UBE2Z: variants seen among roughly 807,000 people sequenced by gnomAD.
The protein encoded by UBE2Z is ubiquitin conjugating enzyme E2 Z.
A neutral mutation model predicts 32.6 loss-of-function variants in UBE2Z; 10 were observed. That is an observed-to-expected ratio of 0.31 (90% confidence interval 0.19 to 0.52). The LOEUF is 0.52. UBE2Z is among the 20% of genes least tolerant of loss of function. UBE2Z has a pLI of 0.97. For synonymous variants in UBE2Z, 183 were observed against 190.8 expected (o/e 0.96, Z 0.34); for missense variants, 343 against 480.9 (o/e 0.71, Z 2.68).
At chr17:48,917,452 A>G (rs904109931) in intron 4 of UBE2Z, among the ~76,000 whole-genome samples, 1 of 152,054 alleles carries the variant, frequency 6.6e-6, no homozygotes, top group Non-Finnish European at 1.5e-5. Context: ...AGTGGGTTCT[A>G]TGTGCCTATA....
intron 1 of UBE2Z, 30 bp from the exon 2 acceptor site, chr17:48,910,778 C>T (rs1439866181): frequency 6.4e-7 from 1 of 1,565,192 alleles, no homozygotes; most frequent in Non-Finnish European, 8.8e-7. Flanking sequence ...TTCCTCACTC[C>T]TTCCCCCACC....
intron 5 of UBE2Z, 107 bp from the exon 6 acceptor site, chr17:48,922,740 A>T (rs902702319): frequency 2.8e-5 from 21 of 757,828 alleles, no homozygotes; most frequent in Non-Finnish European, 4.4e-5. Context: ...GCACTCCAAC[A>T]TGGGCTACAG....
intron 2 of UBE2Z, chr17:48,912,282 C>G (rs2143759274): frequency 6.5e-6 from 1 of 154,616 alleles, no homozygotes; most frequent in Non-Finnish European, 1.4e-5. Flanking sequence ...GGCCTCCAAT[C>G]CCTTTCTTCG....
intron 6 of UBE2Z, among the ~76,000 whole-genome samples, chr17:48,923,610 G>T (rs886310764): frequency 8.8e-6 from 1 of 113,178 alleles, no homozygotes. Context: ...CAACAAGAGC[G>T]AAACTCGGTC....
chr17:48,910,995 A>G, intron 2 of UBE2Z, 115 bp downstream of exon 2: 1 of 858,646 alleles, frequency 1.2e-6, no homozygotes, highest in Non-Finnish European at 1.9e-6. Flanking sequence ...GAAGAAATCA[A>G]GACCCCAGGA....
At chr17:48,917,545 C>T (rs779949178) in intron 4 of UBE2Z, among the ~76,000 whole-genome samples, 1 of 152,060 alleles carries the variant, frequency 6.6e-6, no homozygotes, top group Non-Finnish European at 1.5e-5. Context: ...CTGTTACCTG[C>T]AGAGTCAAAG....
intron 2 of UBE2Z, chr17:48,911,580 C>T (rs1468326692): frequency 6.6e-6 from 1 of 152,190 alleles, no homozygotes; most frequent in Non-Finnish European, 1.5e-5. Flanking sequence ...ACATAGTTTT[C>T]TTACAGTAAA....
intron 1 of UBE2Z, 176 bp downstream of exon 1, chr17:48,908,996 C>T (rs555004676): frequency 2.8e-6 from 1 of 356,366 alleles, no homozygotes. Context: ...CTTCTCCCCC[C>T]ACCCTCAGAC....
chr17:48,917,751 C>T (rs1371424830), intron 4 of UBE2Z, among the ~76,000 whole-genome samples: 2 of 152,076 alleles, frequency 1.3e-5, no homozygotes, highest in African/African-American at 4.8e-5. Flanking sequence ...AATAATGTTG[C>T]CTCAGAGAGG....
At chr17:48,916,624 C>T (rs897511601) in intron 4 of UBE2Z, among the ~76,000 whole-genome samples, 4 of 128,090 alleles carry the variant, frequency 3.1e-5, no homozygotes, top group African/African-American at 5.1e-5. Context: ...TTGGACCTAG[C>T]ACAGCCCCAT....
chr17:48,925,715 G>A (rs377071966), intron 6 of UBE2Z, among the ~76,000 whole-genome samples: 27 of 152,280 alleles, frequency 1.8e-4, no homozygotes, highest in South Asian at 1.2e-3. Flanking sequence ...CTGGAGCCAC[G>A]GATGAAAGAA....
chr17:48,924,845 C>CAAAA (rs5820735), intron 6 of UBE2Z, among the ~76,000 whole-genome samples: 11 of 85,468 alleles, frequency 1.3e-4, no homozygotes, highest in Admixed American at 7.7e-4. Context: ...GATTCTGTCT[C>CAAAA]AAAAAAAAAA....
chr17:48,925,300 A>G (rs1014676617), intron 6 of UBE2Z, among the ~76,000 whole-genome samples: 2 of 150,420 alleles, frequency 1.3e-5, no homozygotes, highest in African/African-American at 4.9e-5. Flanking sequence ...AAAAAAAAAG[A>G]AAGAAAAAGA....
At position 48,928,367 on chromosome 17, in the gene UBE2Z, T is replaced by A. The variant is rs567930192; in HGVS notation, c.*1233T>A. The stretch of plus-strand genomic sequence containing the variant: ...AAAAAAAAATGTGCTTTAGGTGCCC[T>A]GTAATCCTGGGCATCAAGGGAATCC... On this transcript the variant is annotated 3_prime_UTR_variant, in exon 7 of 7. Transcript: ENST00000360943. 6.6e-6 allele frequency: 1 copy of A among 152,652 alleles called. No individual in the cohort carries two copies. The highest frequency in any genetic ancestry group is 1.5e-5 in the Non-Finnish European group (1 of 68,038). The allele number at this position is 152,652 out of a possible 1,614,324, so 9.5% of individuals were successfully genotyped here.
intron 4 of UBE2Z, among the ~76,000 whole-genome samples, chr17:48,918,777 C>T (rs2040738997): frequency 7.3e-6 from 1 of 136,784 alleles, no homozygotes; most frequent in Non-Finnish European, 1.5e-5. Context: ...GGCAGACTCT[C>T]ACTCTGTCAC....
At position 48,918,165 on chromosome 17, in the gene UBE2Z, G is replaced by A. The variant is rs369910416; in HGVS notation, c.690+1978G>A. The stretch of plus-strand genomic sequence containing the variant: ...CTTGGCCAGGCTGGTTTCGAATTTC[G>A]GACCTCAGGTGATCCACTCGCCTTG... On this transcript the variant is annotated intron_variant, in intron 4 of 6. Transcript: ENST00000360943. 4.6e-5 allele frequency among the ~76,000 whole-genome samples: 7 copies of A among 151,672 alleles called. No homozygotes were observed. The South Asian group carries it at 1.0e-3, about 23-fold the overall frequency.
At chr17:48,925,162 G>A (rs62075846) in intron 6 of UBE2Z, among the ~76,000 whole-genome samples, 62,409 of 151,576 alleles carry the variant, frequency 0.41, 15,364 homozygotes, top group East Asian at 0.71. Flanking sequence ...GCGTGCCTGT[G>A]GTCCCAGCTA....
At chr17:48,916,963 A>G (rs907912354) in intron 4 of UBE2Z, among the ~76,000 whole-genome samples, 5 of 151,592 alleles carry the variant, frequency 3.3e-5, no homozygotes, top group African/African-American at 1.2e-4. Flanking sequence ...AGATCACGCC[A>G]TTACACTCCA....
At position 48,927,161 on chromosome 17, in the gene UBE2Z, A is replaced by G; in HGVS notation, c.*27A>G. ...CCCTGCTCCCATCTCCCCTTCCCCC[A>G]CTCAAGAGTCCCAGCAGAATCCCTT... On this transcript the variant is annotated 3_prime_UTR_variant, in exon 7 of 7. Transcript: ENST00000360943. 6.2e-7 allele frequency: 1 copy of G among 1,610,194 alleles called. No individual in the cohort carries two copies. Among genetic ancestry groups the G allele is most frequent in the Non-Finnish European group, 8.5e-7 (1 of 1,177,852 alleles).
Sources: gnomAD v4.1 joint callset for allele counts (sites outside exome capture counted in the v4.1 genomes callset) on GRCh38, gnomAD v4.1.1 for gene constraint, MANE v1.5 for transcripts, NCBI Gene and HGNC (gene_info 2026-07-23, HGNC 2026-07-21) for gene names.